ERBIN: variants seen among roughly 807,000 people sequenced by gnomAD.
ERBIN encodes the protein densin-180-like protein.
Under a neutral mutation model 158.4 loss-of-function variants are expected in ERBIN, and 60 were observed. The observed-to-expected ratio is 0.38, with a 90% confidence interval of 0.31 to 0.47. ERBIN has a LOEUF of 0.47. Among genes scored for constraint, ERBIN ranks in the 20% least tolerant of loss-of-function variants. ERBIN has a pLI of 0.99. For synonymous variants in ERBIN, 594 were observed against 557.2 expected (o/e 1.07, Z -0.93); for missense variants, 1,610 against 1,648.0 (o/e 0.98, Z 0.40).
intron 1 of ERBIN, among the ~76,000 whole-genome samples, chr5:65,943,559 G>T (rs956169270): frequency 6.6e-6 from 1 of 152,230 alleles, no homozygotes; most frequent in East Asian, 1.9e-4. Flanking sequence ...TTGCTCTACA[G>T]CTCTTAGTTG....
At position 66,072,214 on chromosome 5, in the gene ERBIN, A is replaced by G. The variant is rs1227589532; in HGVS notation, c.3679A>G (p.Ile1227Val). 2.0e-5 allele frequency: 31 copies of G among 1,550,316 alleles called. No individual in the cohort carries two copies. The East Asian group carries it at 3.4e-4, about 17-fold the overall frequency. The change falls in exon 22 of 26, where the codon ATA becomes GTA. Residue 1227 changes from isoleucine to valine, a missense_variant. Ile to Val is a conservative substitution (Grantham distance 29, BLOSUM62 3). This residue lies in a region of ERBIN where 1,014 missense variants were observed against 936.1 expected (regional missense o/e 1.08). Coordinates refer to ENST00000284037, the MANE Select transcript of ERBIN (RefSeq NM_001253697.2). ...SSSGDPCQDG[I>V]FISGQQNYSS... is the part of the protein sequence containing the mutation. ...TTCAGGAGATCCTTGTCAAGATGGT[A>G]TATTCATTTCAGGACAGCAGAACTA...
rs1260428558 is a variant in ERBIN, at chr5:66,080,249, A to C, written c.*1719A>C. The C allele has an allele frequency of 1.3e-5, 2 of 152,572 alleles. No individual in the cohort carries two copies. The highest frequency in any genetic ancestry group is 2.9e-5 in the Non-Finnish European group (2 of 67,968). The allele number at this position is 152,572 out of a possible 1,614,324, so 9.5% of individuals were successfully genotyped here. ...GTCAGAGTAAGTAGGCAGCACTTTT[A>C]AAAATATGTGAACTCAAATATTGCA... On this transcript the variant is annotated 3_prime_UTR_variant, in exon 26 of 26. Transcript: ENST00000284037.
intron 1 of ERBIN, among the ~76,000 whole-genome samples, chr5:65,959,863 A>G (rs1006406004): frequency 1.4e-4 from 22 of 152,352 alleles, no homozygotes; most frequent in African/African-American, 5.0e-4. Flanking sequence ...CAAAAATGTT[A>G]GAATACTTTG....
At chr5:66,023,456 T>TA (rs568842233) in intron 9 of ERBIN, 92 bp downstream of exon 9, 8 of 698,450 alleles carry the variant, frequency 1.1e-5, no homozygotes, top group East Asian at 3.0e-5. Context: ...TTTTAATTAA[T>TA]AAAAAAATTG....
chr5:65,941,348 C>CAAAT (rs1745013852), intron 1 of ERBIN, among the ~76,000 whole-genome samples: 1 of 13,522 alleles, frequency 7.4e-5, no homozygotes, highest in Admixed American at 5.5e-4. Flanking sequence ...ATACAAATAA[C>CAAAT]AACAATATAG....
intron 1 of ERBIN, among the ~76,000 whole-genome samples, chr5:65,975,740 A>C (rs1223643242): frequency 6.6e-6 from 1 of 152,254 alleles, no homozygotes; most frequent in Non-Finnish European, 1.5e-5. Context: ...TTGTTTGAGG[A>C]ATTTTTCTGT....
intron 1 of ERBIN, among the ~76,000 whole-genome samples, chr5:65,956,588 C>G (rs1280508715): frequency 4.0e-5 from 6 of 150,934 alleles, no homozygotes; most frequent in Admixed American, 4.0e-4. Flanking sequence ...GCCATGTTGC[C>G]TAGCTGGTTT....
intron 1 of ERBIN, among the ~76,000 whole-genome samples, chr5:65,949,797 T>C (rs1178350203): frequency 6.6e-6 from 1 of 152,204 alleles, no homozygotes; most frequent in Non-Finnish European, 1.5e-5. Context: ...TGGGATCCAG[T>C]GTAAGAGACC....
intron 9 of ERBIN, 64 bp from the exon 10 acceptor site, chr5:66,024,242 C>G: frequency 9.0e-7 from 1 of 1,112,712 alleles, no homozygotes; most frequent in Non-Finnish European, 1.3e-6. Context: ...CAAGTTTATT[C>G]CCTAAACTTT....
intron 1 of ERBIN, among the ~76,000 whole-genome samples, chr5:65,975,617 T>C (rs1317649665): frequency 6.6e-6 from 1 of 152,152 alleles, no homozygotes; most frequent in East Asian, 1.9e-4. Context: ...GATTGTCTAT[T>C]GAATTTAGAT....
intron 1 of ERBIN, among the ~76,000 whole-genome samples, chr5:65,933,607 C>G (rs1216420544): frequency 1.3e-5 from 2 of 152,128 alleles, no homozygotes; most frequent in Non-Finnish European, 2.9e-5. Flanking sequence ...ATCCTTCTTG[C>G]TAAGAAAACT....
chr5:65,973,515 T>C (rs1280868299), intron 1 of ERBIN, among the ~76,000 whole-genome samples: 1 of 151,344 alleles, frequency 6.6e-6, no homozygotes, highest in Non-Finnish European at 1.5e-5. Flanking sequence ...AAATAACTAA[T>C]GGTGGAATTT....
intron 4 of ERBIN, among the ~76,000 whole-genome samples, chr5:66,008,306 C>G (rs925217732): frequency 2.6e-5 from 4 of 152,150 alleles, no homozygotes; most frequent in Non-Finnish European, 5.9e-5. Flanking sequence ...ATAGTCCCAG[C>G]TACTTAGGAG....
Position 65,972,112 on chromosome 5 carries a change from G to A in ERBIN, c.-57-16523G>A, listed in dbSNP as rs114458878. 6.2e-3 allele frequency among the ~76,000 whole-genome samples: 942 copies of A among 151,914 alleles called. 11 individuals carry two copies. Among genetic ancestry groups the A allele is most frequent in the African/African-American group, 0.022 (902 of 41,404 alleles). ...TGTGAATTGGGGGGCTATTCCAAGG[G>A]GGTCTGCTATGTCATTTTTGGGGGA... On this transcript the variant is annotated intron_variant, in intron 1 of 25. Coordinates refer to ENST00000284037, the MANE Select transcript of ERBIN (RefSeq NM_001253697.2).
intron 23 of ERBIN, chr5:66,076,074 A>C (rs887465480): frequency 4.3e-6 from 2 of 468,532 alleles, no homozygotes; most frequent in Admixed American, 4.0e-5. Context: ...CCTTATCCTC[A>C]TAAGACAAGC....
chr5:65,977,161 C>G (rs1376715889), intron 1 of ERBIN, among the ~76,000 whole-genome samples: 4 of 147,786 alleles, frequency 2.7e-5, no homozygotes, highest in African/African-American at 5.0e-5. Context: ...TCCCCCACCT[C>G]CCTCCCGGAC....
chr5:66,075,546 G>A (rs1761907010), intron 23 of ERBIN, among the ~76,000 whole-genome samples: 1 of 152,068 alleles, frequency 6.6e-6, no homozygotes, highest in Non-Finnish European at 1.5e-5. Context: ...AAATTGTTCT[G>A]TGACACTTAA....
chr5:66,074,462 A>G (rs1343778948), intron 22 of ERBIN, among the ~76,000 whole-genome samples: 1 of 152,242 alleles, frequency 6.6e-6, no homozygotes, highest in Non-Finnish European at 1.5e-5. Flanking sequence ...GGAATAAATC[A>G]GTTTTCTACA....
Position 66,006,163 on chromosome 5 carries a change from T to C in ERBIN, c.308-5886T>C, listed in dbSNP as rs1306794947. On this transcript the variant is annotated intron_variant, in intron 4 of 25. Coordinates refer to ENST00000284037, the MANE Select transcript of ERBIN (RefSeq NM_001253697.2). ...AACTACACTACAAGGCTACAGTAAC[T>C]AAAACAGCATAGTACTGATACCAAA... Among the ~76,000 whole-genome samples the C allele has an allele frequency of 2.6e-5, 4 of 152,036 alleles. No homozygotes were observed. The East Asian group carries it at 5.8e-4, about 22-fold the overall frequency.
Sources: gnomAD v4.1 joint callset for allele counts (sites outside exome capture counted in the v4.1 genomes callset) on GRCh38, gnomAD v4.1.1 for gene constraint, gnomAD v4.1.1 regional missense constraint, MANE v1.5 for transcripts, NCBI Gene and HGNC (gene_info 2026-07-23, HGNC 2026-07-21) for gene names.